Variants in KCNQ2 observed in about 807,000 individuals in gnomAD.
The protein encoded by KCNQ2 is potassium voltage-gated channel subfamily Q member 2.
Under a neutral mutation model 84.8 loss-of-function variants are expected in KCNQ2, and 14 were observed. That is an observed-to-expected ratio of 0.17 (90% CI 0.11 to 0.26). The LOEUF is 0.26. Among genes scored for constraint, KCNQ2 ranks in the 10% least tolerant of loss-of-function variants. The probability of loss-of-function intolerance (pLI) is 1.00; values close to 1 mark genes in which losing one functional copy is unlikely to be tolerated. For synonymous variants in KCNQ2, 599 were observed against 554.1 expected, an observed-to-expected ratio of 1.08 and a Z score of -1.14; for missense variants, 788 against 1,254.0, an observed-to-expected ratio of 0.63 and a Z score of 5.61.
Position 63,406,500 on chromosome 20 carries a change from A to T in KCNQ2, c.*144T>A. On this transcript the variant is annotated 3_prime_UTR_variant, in exon 17 of 17. Transcript: ENST00000359125. ...TCACTGCCAGGAGCCCCCATCCTTC[A>T]GCCCACATGGGCCCCTCCAGGGCCC... 3 of 981,722 alleles carry T rather than the reference A, an allele frequency of 3.1e-6. No individual in the cohort carries two copies. Among genetic ancestry groups the T allele is most frequent in the East Asian group, 5.3e-5 (2 of 37,760 alleles). The allele number at this position is 981,722 out of a possible 1,614,324, so 60.8% of individuals were successfully genotyped here. A position where few individuals can be genotyped will look rare whatever the true frequency, so the allele number is the denominator to read the frequency against.
At chr20:63,461,635 A>G (rs1403693306) in intron 1 of KCNQ2, among the ~76,000 whole-genome samples, 2 of 152,274 alleles carry the variant, frequency 1.3e-5, no homozygotes, top group Admixed American at 1.3e-4. Context: ...GTAGGAGGGC[A>G]GAAATATCAC....
chr20:63,433,820 C>T lies in KCNQ2; in HGVS notation c.1107G>A (p.Val369=). Residue 369 remains valine (V), a synonymous_variant, in exon 8 of 17, where the codon GTG becomes GTA. Transcript: ENST00000359125. The stretch of plus-strand genomic sequence containing the variant: ...CCCGGCGGCGGTACCTGTACATGGG[C>T]ACGGTGACCGTTCGCTCGTAGTACT... ...TWQYYERTVT[V]PMYSSQTQTY... 6.2e-7 allele frequency: 1 copy of T among 1,613,944 alleles called. No individual in the cohort carries two copies. The highest frequency in any genetic ancestry group is 8.5e-7 in the Non-Finnish European group (1 of 1,179,930).
chr20:63,431,314 A>G, intron 9 of KCNQ2, 26 bp downstream of exon 9: 7 of 1,613,020 alleles, frequency 4.3e-6, no homozygotes, highest in East Asian at 2.2e-5. Flanking sequence ...ACACACACAC[A>G]GGGCTTCTGT....
At chr20:63,441,761 C>T (rs2081168690) in intron 5 of KCNQ2, among the ~76,000 whole-genome samples, 1 of 152,238 alleles carries the variant, frequency 6.6e-6, no homozygotes, top group Admixed American at 6.5e-5. Flanking sequence ...GTGTCCAGGT[C>T]TCATGAAATT....
intron 8 of KCNQ2, among the ~76,000 whole-genome samples, chr20:63,432,536 C>A (rs2080846549): frequency 2.7e-5 from 4 of 145,486 alleles, no homozygotes; most frequent in Admixed American, 2.0e-4. Flanking sequence ...AAGGCTCCAC[C>A]CTCTGGGAAG....
At chr20:63,442,987 T>C (rs796883550) in intron 4 of KCNQ2, among the ~76,000 whole-genome samples, 1,001 of 17,210 alleles carry the variant, frequency 0.058, no homozygotes, top group East Asian at 0.094. Flanking sequence ...TCACCACCAT[T>C]ACCATCACCA....
At chr20:63,433,545 C>A in intron 8 of KCNQ2, 1 of 654,900 alleles carries the variant, frequency 1.5e-6, no homozygotes, top group South Asian at 2.0e-5. Flanking sequence ...AGCGTCCTTG[C>A]AACGCACAAA....
chr20:63,455,503 G>A, intron 1 of KCNQ2, among the ~76,000 whole-genome samples: 1 of 152,146 alleles, frequency 6.6e-6, no homozygotes, highest in Non-Finnish European at 1.5e-5. Context: ...CGGGGATCAG[G>A]CACCCCGAAT....
intron 1 of KCNQ2, among the ~76,000 whole-genome samples, chr20:63,454,769 G>C (rs949126884): frequency 6.6e-6 from 1 of 152,230 alleles, no homozygotes; most frequent in African/African-American, 2.4e-5. Flanking sequence ...GCATCCCCCA[G>C]GCCTCGGGAG....
chr20:63,471,783 C>T (rs2082222081), intron 1 of KCNQ2: 1 of 192,134 alleles, frequency 5.2e-6, no homozygotes. Context: ...CGGCCCCAGC[C>T]CCGCGGGTCC....
chr20:63,464,596 C>T (rs1304311621), intron 1 of KCNQ2, among the ~76,000 whole-genome samples: 2 of 152,158 alleles, frequency 1.3e-5, no homozygotes, highest in African/African-American at 4.8e-5. Flanking sequence ...GAGCACAGCA[C>T]AGGCCCACTG....
Position 63,445,317 on chromosome 20 carries a change from G to A in KCNQ2, c.435C>T (p.Ile145=). The A allele has an allele frequency of 1.2e-6, 2 of 1,613,832 alleles. No individual in the cohort carries two copies. The highest frequency in any genetic ancestry group is 2.2e-5 in the South Asian group (2 of 91,086). The change falls in exon 3 of 17, where the codon ATC becomes ATT. Residue 145 remains isoleucine, a synonymous_variant. Transcript: ENST00000359125. ...VVFGVEYFVR[I]WAAGCCCRYR... ...ACCGGCAGCAGCAGCCTGCGGCCCA[G>A]ATCCGCACGAAGTACTCCACGCCAA... is the stretch of plus-strand genomic sequence containing the variant.
At chr20:63,442,714 C>CATCACCATCATCACCATCACCATT (rs1568933946) in intron 4 of KCNQ2, among the ~76,000 whole-genome samples, 183 bp from the exon 5 acceptor site, 1 of 110,314 alleles carries the variant, frequency 9.1e-6, no homozygotes, top group Non-Finnish European at 1.9e-5. Context: ...CCATCACCAC[C>CATCACCATCATCACCATCACCATT]ACCACCACCA....
In KCNQ2 at chr20:63,428,411, C is replaced by A; in HGVS notation, c.1173G>T (p.Leu391=). The change falls in exon 10 of 17, where the codon CTG becomes CTT. Residue 391 remains leucine, a synonymous_variant. Transcript: ENST00000359125. The stretch of plus-strand genomic sequence containing the variant: ...TACTCTTGAGGTTCCTCAGCAGCTC[C>A]AGCTGGTTCAGCGGGGGGATAAGTC... ...ASRLIPPLNQ[L]ELLRNLKSKS... 6.3e-7 allele frequency: 1 copy of A among 1,589,652 alleles called. No homozygotes were observed. Among genetic ancestry groups the A allele is most frequent in the Non-Finnish European group, 8.6e-7 (1 of 1,168,600 alleles).
chr20:63,434,470 GC>G (rs2080928108), intron 7 of KCNQ2: 2 of 154,218 alleles, frequency 1.3e-5, no homozygotes, highest in Non-Finnish European at 2.9e-5. Context: ...CACCATGTTA[GC>G]CATGTTAAAG....
chr20:63,443,529 CCACCACCACCACCA>C (rs2081325773), intron 4 of KCNQ2: 1 of 108,560 alleles, frequency 9.2e-6, no homozygotes, highest in African/African-American at 4.0e-5. Flanking sequence ...ATCACCATCA[CCACCACCACCACCA>C]TGACCATCAT....
chr20:63,415,197 G>A (rs560173559), intron 12 of KCNQ2, 71 bp from the exon 13 acceptor site: 43 of 1,375,396 alleles, frequency 3.1e-5, no homozygotes, highest in South Asian at 2.6e-4. Context: ...AACACAGGCC[G>A]TGTCTGCTCA....
intron 1 of KCNQ2, among the ~76,000 whole-genome samples, chr20:63,450,852 G>A (rs2081593143): frequency 6.6e-6 from 1 of 152,032 alleles, no homozygotes; most frequent in Non-Finnish European, 1.5e-5. Context: ...CAAAAAAGAA[G>A]AAAACCTGGC....
chr20:63,412,073 C>A, intron 15 of KCNQ2: 1 of 553,628 alleles, frequency 1.8e-6, no homozygotes, highest in Non-Finnish European at 3.2e-6. Flanking sequence ...GTGTTTCAAG[C>A]AAAGCTTTTG....
Sources: allele counts gnomAD v4.1 joint callset (sites outside exome capture counted in the v4.1 genomes callset), GRCh38; gene constraint gnomAD v4.1.1; transcripts MANE v1.5; gene names NCBI Gene and HGNC (gene_info 2026-07-23, HGNC 2026-07-21).